The following ANKRD44 variants were observed in gnomAD, a reference collection of about 807,000 sequenced individuals.
ANKRD44 encodes the protein ankyrin repeat domain 44.
ANKRD44 carries 35 observed loss-of-function variants against 116.0 expected under a neutral mutation model. That is an observed-to-expected ratio of 0.30 (90% CI 0.23 to 0.40). ANKRD44 has a LOEUF of 0.40. ANKRD44 is among the 10% of genes least tolerant of loss of function. The pLI is 1.00. For synonymous variants in ANKRD44, 435 were observed against 461.8 expected (o/e 0.94, Z 0.74); for missense variants, 1,014 against 1,242.6 (o/e 0.82, Z 2.77).
At chr2:197,094,309 G>A (rs574189376) in intron 10 of ANKRD44, among the ~76,000 whole-genome samples, 1 of 152,248 alleles carries the variant, frequency 6.6e-6, no homozygotes, top group East Asian at 1.9e-4. Flanking sequence ...TCCCTCCTCA[G>A]GAAAATAAGA....
chr2:197,068,468 C>A lies in ANKRD44; in HGVS notation c.1650+10235G>T, dbSNP rs979647223. ...AAAAGCCAAAATTGACAAATGGGAT[C>A]TAATTAAACTAAAGAGCTTCTGCAC... On this transcript the variant is annotated intron_variant, in intron 16 of 27. Coordinates refer to ENST00000282272, the MANE Select transcript of ANKRD44 (RefSeq NM_001195144.2). Among the ~76,000 whole-genome samples, 3 of 149,584 alleles carry A rather than the reference C, an allele frequency of 2.0e-5. No homozygotes were observed. The East Asian group carries it at 5.8e-4, about 29-fold the overall frequency.
intron 1 of ANKRD44, among the ~76,000 whole-genome samples, chr2:197,254,360 A>T (rs940274376): frequency 1.3e-5 from 2 of 152,062 alleles, no homozygotes; most frequent in African/African-American, 2.4e-5. Flanking sequence ...CTCCAGCCTG[A>T]GCAATAGAGC....
chr2:197,291,259 G>T (rs1249463453), intron 1 of ANKRD44, among the ~76,000 whole-genome samples: 5 of 151,444 alleles, frequency 3.3e-5, no homozygotes, highest in Admixed American at 3.3e-4. Context: ...CCTGTAATCC[G>T]AGCACTTTGG....
chr2:197,195,007 T>C (rs1260324370), intron 1 of ANKRD44, among the ~76,000 whole-genome samples: 1 of 152,186 alleles, frequency 6.6e-6, no homozygotes, highest in Non-Finnish European at 1.5e-5. Flanking sequence ...CACATCAGCA[T>C]AAGAAGCTTT....
downstream of ANKRD44, among the ~76,000 whole-genome samples, chr2:196,983,741 C>T (rs2075818642): frequency 6.6e-6 from 1 of 152,044 alleles, no homozygotes; most frequent in African/African-American, 2.4e-5. Flanking sequence ...AAATAGTATC[C>T]TAGAAATTGT....
chr2:197,092,517 T>C (rs2078064906), intron 10 of ANKRD44, among the ~76,000 whole-genome samples: 1 of 152,258 alleles, frequency 6.6e-6, no homozygotes, highest in African/African-American at 2.4e-5. Flanking sequence ...CACTGTTTTC[T>C]CTTTCCATAA....
intron 1 of ANKRD44, among the ~76,000 whole-genome samples, chr2:197,290,965 T>C (rs1048542435): frequency 2.0e-5 from 3 of 151,960 alleles, no homozygotes; most frequent in African/African-American, 7.3e-5. Flanking sequence ...TCCCAACACT[T>C]TGGGAGGCCA....
intron 27 of ANKRD44, 109 bp from the exon 28 acceptor site, chr2:196,989,758 T>C: frequency 6.6e-7 from 1 of 1,508,202 alleles, no homozygotes; most frequent in Non-Finnish European, 8.9e-7. Flanking sequence ...TGCTTTCACT[T>C]TTTTTGTTCC....
intron 16 of ANKRD44, among the ~76,000 whole-genome samples, chr2:197,069,429 C>G (rs1008480743): frequency 6.6e-6 from 1 of 152,038 alleles, no homozygotes; most frequent in Non-Finnish European, 1.5e-5. Flanking sequence ...GCACATGTAC[C>G]CTAGAACTTA....
At chr2:197,063,042 G>A (rs1012009802) in intron 16 of ANKRD44, among the ~76,000 whole-genome samples, 2 of 152,180 alleles carry the variant, frequency 1.3e-5, no homozygotes, top group South Asian at 2.1e-4. Context: ...CCTGACCCCC[G>A]AGTAGCCTAA....
chr2:197,213,892 T>C (rs1373226711), intron 1 of ANKRD44, among the ~76,000 whole-genome samples: 1 of 152,234 alleles, frequency 6.6e-6, no homozygotes, highest in Non-Finnish European at 1.5e-5. Context: ...GTATGTATCT[T>C]GGCAATACTA....
At chr2:197,305,037 T>A (rs2084026419) in intron 1 of ANKRD44, among the ~76,000 whole-genome samples, 1 of 152,198 alleles carries the variant, frequency 6.6e-6, no homozygotes, top group Non-Finnish European at 1.5e-5. Flanking sequence ...CCCAGGACAG[T>A]CCTGGCTCAC....
chr2:197,093,461 C>T (rs1310548161), intron 10 of ANKRD44, among the ~76,000 whole-genome samples: 2 of 152,068 alleles, frequency 1.3e-5, no homozygotes, highest in Non-Finnish European at 2.9e-5. Flanking sequence ...GATAGAACTA[C>T]TCTGATTTAA....
chr2:197,006,902 T>C (rs6706307), intron 20 of ANKRD44, among the ~76,000 whole-genome samples: 125,535 of 152,130 alleles, frequency 0.83, 53,188 homozygotes, highest in East Asian at 0.97. Flanking sequence ...CCCAGCAGTT[T>C]GAGACCTGCC....
chr2:197,243,271 T>C (rs541865709), intron 1 of ANKRD44, among the ~76,000 whole-genome samples: 1 of 152,138 alleles, frequency 6.6e-6, no homozygotes, highest in African/African-American at 2.4e-5. Flanking sequence ...TCTTAAGAAG[T>C]CACTATTCCA....
intron 1 of ANKRD44, among the ~76,000 whole-genome samples, chr2:197,253,642 T>G (rs536170233): frequency 6.6e-6 from 1 of 152,340 alleles, no homozygotes; most frequent in East Asian, 1.9e-4. Flanking sequence ...CATCTCCATA[T>G]GTCAATTCTT....
At chr2:197,255,864 G>C (rs531906203) in intron 1 of ANKRD44, among the ~76,000 whole-genome samples, 4 of 152,248 alleles carry the variant, frequency 2.6e-5, no homozygotes, top group African/African-American at 9.6e-5. Flanking sequence ...CATGTAAGAC[G>C]TTCACCAAAT....
chr2:197,239,821 A>G (rs2082052610), intron 1 of ANKRD44, among the ~76,000 whole-genome samples: 1 of 152,170 alleles, frequency 6.6e-6, no homozygotes, highest in Non-Finnish European at 1.5e-5. Flanking sequence ...CACTATCTCA[A>G]TGGATTTCAT....
intron 1 of ANKRD44, among the ~76,000 whole-genome samples, chr2:197,229,324 AAATG>A (rs2081799556): frequency 6.6e-6 from 1 of 152,210 alleles, no homozygotes; most frequent in South Asian, 2.1e-4. Flanking sequence ...AATGAGGAAA[AAATG>A]AAAATGAATT....
Sources: allele counts gnomAD v4.1 joint callset (sites outside exome capture counted in the v4.1 genomes callset), GRCh38; gene constraint gnomAD v4.1.1; transcripts MANE v1.5; gene names NCBI Gene and HGNC (gene_info 2026-07-23, HGNC 2026-07-21).